NELL2: variants seen among roughly 807,000 people sequenced by gnomAD.
NELL2 encodes neural EGFL like 2.
A neutral mutation model predicts 109.6 loss-of-function variants in NELL2; 41 were observed. That is an observed-to-expected ratio of 0.37 (90% CI 0.29 to 0.49). NELL2 has a LOEUF of 0.49. Ranked by LOEUF, NELL2 falls within the 20% of genes least tolerant of loss-of-function variation. The pLI is 0.98. For synonymous variants in NELL2, 355 were observed against 344.7 expected (o/e 1.03, Z -0.33); for missense variants, 900 against 1,008.3 (o/e 0.89, Z 1.45).
chr12:44,690,974 A>G (rs531491649), intron 12 of NELL2, among the ~76,000 whole-genome samples: 1 of 152,322 alleles, frequency 6.6e-6, no homozygotes, highest in African/African-American at 2.4e-5. Context: ...TATAGCATCC[A>G]AAGCAATCAT....
intron 13 of NELL2, among the ~76,000 whole-genome samples, chr12:44,644,347 G>C (rs776056675): frequency 1.3e-5 from 2 of 151,686 alleles, no homozygotes; most frequent in Non-Finnish European, 2.9e-5. Context: ...ATAAATTCTA[G>C]GCAAGGTAAC....
chr12:44,610,723 C>A, intron 14 of NELL2, 125 bp downstream of exon 14: 1 of 1,358,334 alleles, frequency 7.4e-7, no homozygotes, highest in Non-Finnish European at 1.0e-6. Flanking sequence ...AGCCACACAC[C>A]AAAGCTTTTG....
intron 2 of NELL2, among the ~76,000 whole-genome samples, chr12:44,825,980 T>G (rs943419203): frequency 7.9e-5 from 12 of 151,660 alleles, no homozygotes; most frequent in Non-Finnish European, 1.5e-5. Context: ...AGGCGGAGGT[T>G]GCAGTGAGCC....
At chr12:44,814,773 G>A (rs1257207181) in intron 3 of NELL2, among the ~76,000 whole-genome samples, 1 of 152,152 alleles carries the variant, frequency 6.6e-6, no homozygotes, top group Non-Finnish European at 1.5e-5. Flanking sequence ...CACTAAGTCA[G>A]CCTTGCTATA....
At chr12:44,519,547 T>G (rs1004192683) in intron 19 of NELL2, among the ~76,000 whole-genome samples, 1 of 152,166 alleles carries the variant, frequency 6.6e-6, no homozygotes, top group African/African-American at 2.4e-5. Context: ...CCAAGAAATA[T>G]GCCCATCTTT....
chr12:44,513,937 A>G (rs1941128792), intron 19 of NELL2, among the ~76,000 whole-genome samples: 1 of 147,840 alleles, frequency 6.8e-6, no homozygotes, highest in Admixed American at 6.6e-5. Flanking sequence ...AGCAAACACC[A>G]AAGAAAATAA....
chr12:44,827,348 AT>A (rs1023162868), intron 2 of NELL2, among the ~76,000 whole-genome samples: 1 of 145,178 alleles, frequency 6.9e-6, no homozygotes, highest in Non-Finnish European at 1.5e-5. Flanking sequence ...CAATTAAATT[AT>A]TTTTTACTAT....
At chr12:44,657,641 C>G (rs920077652) in intron 13 of NELL2, among the ~76,000 whole-genome samples, 2 of 152,106 alleles carry the variant, frequency 1.3e-5, no homozygotes, top group Non-Finnish European at 2.9e-5. Context: ...TCCCCTACCC[C>G]CTAACAGGCC....
intron 15 of NELL2, among the ~76,000 whole-genome samples, chr12:44,581,039 T>TAC (rs1401912706): frequency 3.3e-5 from 5 of 152,226 alleles, no homozygotes; most frequent in African/African-American, 1.2e-4. Flanking sequence ...TGGGACAATT[T>TAC]ACATTTCCAC....
chr12:44,551,523 C>T (rs1943044350), intron 15 of NELL2, among the ~76,000 whole-genome samples: 1 of 152,094 alleles, frequency 6.6e-6, no homozygotes, highest in Admixed American at 6.6e-5. Flanking sequence ...AATATGTGTG[C>T]TTCCTTTTAT....
At chr12:44,681,651 G>A (rs1248985752) in intron 12 of NELL2, among the ~76,000 whole-genome samples, 1 of 151,814 alleles carries the variant, frequency 6.6e-6, no homozygotes, top group Non-Finnish European at 1.5e-5. Flanking sequence ...CCCACCTATG[G>A]GTGAGAATAT....
chr12:44,508,568 T>G lies in NELL2; in HGVS notation c.*366A>C, dbSNP rs1940831724. 5.6e-6 allele frequency: 1 copy of G among 178,204 alleles called. No individual in the cohort carries two copies. Among genetic ancestry groups the G allele is most frequent in the African/African-American group, 2.4e-5 (1 of 42,308 alleles). 11.0% of individuals were successfully genotyped at this position (178,204 alleles called of 1,614,324 possible). A position where few individuals can be genotyped will look rare whatever the true frequency, so the allele number is the denominator to read the frequency against. The stretch of plus-strand genomic sequence containing the variant: ...TATTTCTTGCAGTGAGGAACCTAAC[T>G]GATTCTTGAAGATTCTGATCTAGAG... On this transcript the variant is annotated 3_prime_UTR_variant, in exon 20 of 20. Transcript: ENST00000429094.
intron 3 of NELL2, among the ~76,000 whole-genome samples, chr12:44,797,483 G>T (rs1276643154): frequency 6.6e-6 from 1 of 152,032 alleles, no homozygotes; most frequent in Non-Finnish European, 1.5e-5. Flanking sequence ...GCTTCGTTAA[G>T]TATTTCTGAA....
chr12:44,797,401 A>T (rs900512610), intron 3 of NELL2, among the ~76,000 whole-genome samples: 11 of 152,086 alleles, frequency 7.2e-5, no homozygotes, highest in African/African-American at 2.4e-4. Flanking sequence ...TGCACATAGC[A>T]GATGTGCAAA....
chr12:44,747,955 G>A (rs1162223435), intron 9 of NELL2, among the ~76,000 whole-genome samples: 3 of 152,158 alleles, frequency 2.0e-5, no homozygotes, highest in Non-Finnish European at 4.4e-5. Flanking sequence ...ACTCGTAATG[G>A]AAAGATTCGA....
intron 3 of NELL2, among the ~76,000 whole-genome samples, chr12:44,799,121 G>A (rs1041019252): frequency 1.8e-4 from 27 of 151,784 alleles, no homozygotes; most frequent in Non-Finnish European, 2.4e-4. Flanking sequence ...ACCATGCCTG[G>A]CTAATTTTTT....
At chr12:44,681,588 C>A (rs900177787) in intron 12 of NELL2, among the ~76,000 whole-genome samples, 2 of 151,760 alleles carry the variant, frequency 1.3e-5, no homozygotes, top group African/African-American at 4.8e-5. Flanking sequence ...CCACAACAGT[C>A]CCCAGACTGT....
chr12:44,836,281 G>A (rs900960345), intron 2 of NELL2, among the ~76,000 whole-genome samples: 4 of 152,144 alleles, frequency 2.6e-5, no homozygotes, highest in African/African-American at 9.7e-5. Context: ...CCCACACTAG[G>A]CGGGTGAGAT....
In NELL2 at chr12:44,747,043, C is replaced by G. The variant is rs11182631; in HGVS notation, c.994+27704G>C. On this transcript the variant is annotated intron_variant, in intron 9 of 19. Coordinates refer to ENST00000429094, the MANE Select transcript of NELL2 (RefSeq NM_001145108.2). The stretch of plus-strand genomic sequence containing the variant: ...TATTCACAATAGCAAAGACTTGGAA[C>G]CAACCCAAATGTCCAACAACGATAG... Among the ~76,000 whole-genome samples the G allele has an allele frequency of 1.4e-3, 207 of 152,242 alleles. 4 individuals carry two copies. The East Asian group carries it at 0.031, about 23-fold the overall frequency.
Sources: allele counts gnomAD v4.1 joint callset (sites outside exome capture counted in the v4.1 genomes callset), GRCh38; gene constraint gnomAD v4.1.1; transcripts MANE v1.5; gene names NCBI Gene and HGNC (gene_info 2026-07-23, HGNC 2026-07-21).